Variants in LARP4B observed in about 807,000 individuals in gnomAD.
LARP4B encodes the protein La ribonucleoprotein 4B.
A neutral mutation model predicts 89.8 loss-of-function variants in LARP4B; 12 were observed. That is an observed-to-expected ratio of 0.13 (90% CI 0.09 to 0.22). The LOEUF (loss-of-function observed/expected upper bound fraction) is 0.22. Among genes scored for constraint, LARP4B ranks in the 10% least tolerant of loss-of-function variants. LARP4B has a pLI of 1.00. For missense variants in LARP4B, 757 were observed against 947.7 expected, an observed-to-expected ratio of 0.80 and a Z score of 2.64; for synonymous variants, 367 against 363.3, an observed-to-expected ratio of 1.01 and a Z score of -0.12.
chr10:870,779 T>C (rs192970581), intron 3 of LARP4B, among the ~76,000 whole-genome samples: 2 of 152,346 alleles, frequency 1.3e-5, no homozygotes, highest in African/African-American at 2.4e-5. Context: ...ACCAGAAGCT[T>C]CTTCAATTGA....
In LARP4B at chr10:820,977, A is replaced by C. The variant is rs564577885; in HGVS notation, c.1485-132T>G. 9 of 759,814 alleles carry C rather than the reference A, an allele frequency of 1.2e-5. No homozygotes were observed. The Admixed American group carries it at 1.8e-4, about 15-fold the overall frequency. 47.1% of individuals were successfully genotyped at this position (759,814 alleles called of 1,614,324 possible). ...ATCACTTTGAAACCTTTCAAAGATGACTTTCAATTCTAAAATCCCAACTTC... is the reference window on the plus strand; with the variant it reads ...ATCACTTTGAAACCTTTCAAAGATGCCTTTCAATTCTAAAATCCCAACTTC... On this transcript the variant is annotated intron_variant, in intron 13 of 17. Coordinates refer to ENST00000316157, the MANE Select transcript of LARP4B (RefSeq NM_015155.3).
intron 9 of LARP4B, among the ~76,000 whole-genome samples, chr10:830,049 C>T (rs1832820845): frequency 6.6e-6 from 1 of 152,152 alleles, no homozygotes; most frequent in Non-Finnish European, 1.5e-5. Flanking sequence ...ATACTGAGTT[C>T]CTAGTATTCA....
intron 5 of LARP4B, among the ~76,000 whole-genome samples, chr10:846,150 C>G (rs1179375877): frequency 6.6e-6 from 1 of 152,200 alleles, no homozygotes; most frequent in Non-Finnish European, 1.5e-5. Context: ...CTCCGGGTCA[C>G]TCATCTAAAT....
chr10:932,626 G>C (rs1371609475), upstream of LARP4B, among the ~76,000 whole-genome samples: 2 of 102,976 alleles, frequency 1.9e-5, no homozygotes, highest in Admixed American at 2.1e-4. Flanking sequence ...CCGGGACCCA[G>C]GCCCCGGCCC....
At chr10:959,096 G>A in the LARP4B span, among the ~76,000 whole-genome samples, 2 of 152,174 alleles carry the variant, frequency 1.3e-5, no homozygotes, top group Admixed American at 6.5e-5. Flanking sequence ...GGCAGGGCAG[G>A]TGGACTAGGT....
chr10:864,884 C>T (rs977524228), intron 3 of LARP4B, among the ~76,000 whole-genome samples: 14 of 152,110 alleles, frequency 9.2e-5, no homozygotes, highest in African/African-American at 2.7e-4. Flanking sequence ...ACCCAGGAGG[C>T]GGGGGTTGCA....
At chr10:985,709 C>G in the LARP4B span, 2 of 152,194 alleles carry the variant, frequency 1.3e-5, no homozygotes, top group Non-Finnish European at 2.9e-5. Context: ...CAGAGGGGGT[C>G]TGACAGTACT....
At chr10:911,228 A>T (rs1455741754) in intron 1 of LARP4B, among the ~76,000 whole-genome samples, 1 of 152,206 alleles carries the variant, frequency 6.6e-6, no homozygotes, top group East Asian at 1.9e-4. Flanking sequence ...GAACCAGAGA[A>T]ACTAAATGGG....
At chr10:955,739 A>G in the LARP4B span, among the ~76,000 whole-genome samples, 11 of 152,284 alleles carry the variant, frequency 7.2e-5, no homozygotes, top group South Asian at 6.2e-4. The surrounding 1 kb of genome is among the most constrained non-coding windows in gnomAD (Gnocchi z 5.2). Context: ...TGTAGCAGGA[A>G]ATAAACAAAG....
At chr10:954,470 G>A in the LARP4B span, among the ~76,000 whole-genome samples, 3 of 152,158 alleles carry the variant, frequency 2.0e-5, no homozygotes, top group Non-Finnish European at 2.9e-5. This position sits in a 1 kb window ranked among gnomAD's most constrained non-coding sequence, Gnocchi z 5.0. Flanking sequence ...GAGCCAGGGA[G>A]GGTAGCTGGG....
chr10:901,067 C>CT (rs1386869751), intron 1 of LARP4B, among the ~76,000 whole-genome samples: 1 of 151,488 alleles, frequency 6.6e-6, no homozygotes, highest in African/African-American at 2.4e-5. Context: ...TTACAGGCAC[C>CT]TGCCACCACG....
At chr10:921,381 T>C (rs1212546318) in intron 1 of LARP4B, among the ~76,000 whole-genome samples, 4 of 152,212 alleles carry the variant, frequency 2.6e-5, no homozygotes, top group Non-Finnish European at 5.9e-5. Context: ...ATAACGATTT[T>C]GGGAAAACAT....
intron 5 of LARP4B, among the ~76,000 whole-genome samples, chr10:847,891 C>T (rs1833853436): frequency 6.6e-6 from 1 of 152,168 alleles, no homozygotes; most frequent in Non-Finnish European, 1.5e-5. Flanking sequence ...AAGTCCCAGG[C>T]TGTGCCCAGG....
In LARP4B at chr10:814,963, G is replaced by A. The variant is rs767444629; in HGVS notation, c.1803C>T (p.Ser601=). 43 of 1,601,800 alleles carry A rather than the reference G, an allele frequency of 2.7e-5. No individual in the cohort carries two copies. The highest frequency in any genetic ancestry group is 1.0e-4 in the South Asian group (9 of 89,388). ...ATACTCACTCGGGTAAATGAGCTGG[G>A]GAGGGGGATCGCTCGTACGTTGCTG... The part of the protein sequence containing the change: ...AVSATYERSP[S]PAHLPDDPKV... The change falls in exon 16 of 18, where the codon TCC becomes TCT. Residue 601 remains serine (S), a synonymous_variant. Coordinates refer to ENST00000316157, the MANE Select transcript of LARP4B (RefSeq NM_015155.3). This position sits in a 1 kb window ranked among gnomAD's most constrained non-coding sequence, Gnocchi z 4.4.
chr10:978,813 G>C, the LARP4B span, among the ~76,000 whole-genome samples: 1 of 152,172 alleles, frequency 6.6e-6, no homozygotes, highest in African/African-American at 2.4e-5. Context: ...CTTTTACAAA[G>C]GGTTGGCTTA....
chr10:909,056 A>G (rs1338556763), intron 1 of LARP4B, among the ~76,000 whole-genome samples: 1 of 152,002 alleles, frequency 6.6e-6, no homozygotes, highest in Non-Finnish European at 1.5e-5. Context: ...GCACTTTGGG[A>G]GGCTGAGGCG....
At chr10:816,072 T>C (rs946633261) in intron 15 of LARP4B, among the ~76,000 whole-genome samples, 1 of 152,094 alleles carries the variant, frequency 6.6e-6, no homozygotes, top group African/African-American at 2.4e-5. Flanking sequence ...CTACTAATAA[T>C]ACAAAAATTA....
At chr10:957,337 T>G in the LARP4B span, among the ~76,000 whole-genome samples, 1 of 152,006 alleles carries the variant, frequency 6.6e-6, no homozygotes, top group Non-Finnish European at 1.5e-5. Context: ...TGATTTTTGT[T>G]TTGTTTTTAG....
chr10:808,558 C>T (rs1037610381), downstream of LARP4B: 4 of 152,094 alleles, frequency 2.6e-5, no homozygotes, highest in South Asian at 2.1e-4. Context: ...TCCATGCACA[C>T]GTGGGAAGTC....
Sources: gnomAD v4.1 joint callset for allele counts (sites outside exome capture counted in the v4.1 genomes callset) on GRCh38, gnomAD v4.1.1 for gene constraint, Gnocchi (gnomAD v3.1) non-coding constraint, MANE v1.5 for transcripts, NCBI Gene and HGNC (gene_info 2026-07-23, HGNC 2026-07-21) for gene names.